Variants in ATP9B observed in about 807,000 individuals in gnomAD.
ATP9B encodes the protein ATPase phospholipid transporting 9B, also known as probable phospholipid-transporting ATPase IIB.
ATP9B carries 110 observed loss-of-function variants against 146.1 expected under a neutral mutation model. The observed-to-expected ratio is 0.75, with a 90% confidence interval of 0.65 to 0.88. ATP9B has a LOEUF of 0.88. Ranked by LOEUF, ATP9B falls within the 40% of genes least tolerant of loss-of-function variation. ATP9B has a pLI of 0.00. For missense variants in ATP9B, 1,499 were observed against 1,496.4 expected (o/e 1.00, Z -0.03); for synonymous variants, 604 against 569.7 (o/e 1.06, Z -0.86).
chr18:79,236,590 T>C (rs1292038223), intron 11 of ATP9B, among the ~76,000 whole-genome samples: 2 of 152,252 alleles, frequency 1.3e-5, no homozygotes, highest in Non-Finnish European at 2.9e-5. Flanking sequence ...CATCTAGAAT[T>C]GGTTTTTGTA....
chr18:79,261,314 G>A lies in ATP9B; in HGVS notation c.1268+7773G>A, dbSNP rs149388192. ...GAGTGGGACCTTACTTGAGAAAAGA[G>A]TCTTTGCAGTTATAATTAAGATAAT... is the stretch of plus-strand genomic sequence containing the variant. On this transcript the variant is annotated intron_variant, in intron 12 of 29. Coordinates refer to ENST00000426216, the MANE Select transcript of ATP9B (RefSeq NM_198531.5). Among the ~76,000 whole-genome samples the A allele has an allele frequency of 2.0e-5, 3 of 152,294 alleles. No homozygotes were observed. The East Asian group carries it at 5.8e-4, about 29-fold the overall frequency.
chr18:79,230,684 A>C (rs1206680636), intron 11 of ATP9B, among the ~76,000 whole-genome samples: 1 of 152,198 alleles, frequency 6.6e-6, no homozygotes, highest in African/African-American at 2.4e-5. Flanking sequence ...TTCTCCTCAG[A>C]ATACACCATT....
chr18:79,212,985 T>C (rs1038096085), intron 10 of ATP9B, among the ~76,000 whole-genome samples: 4 of 152,194 alleles, frequency 2.6e-5, no homozygotes, highest in Admixed American at 1.3e-4. Flanking sequence ...CCATGTGATA[T>C]GTATAATATG....
intron 1 of ATP9B, among the ~76,000 whole-genome samples, chr18:79,092,960 A>G (rs2074466820): frequency 2.0e-5 from 3 of 152,222 alleles, no homozygotes; most frequent in Admixed American, 1.3e-4. Context: ...GTCAGGTATT[A>G]GGTACTGTAC....
At chr18:79,248,393 T>G (rs2095989824) in intron 11 of ATP9B, among the ~76,000 whole-genome samples, 1 of 152,232 alleles carries the variant, frequency 6.6e-6, no homozygotes, top group Non-Finnish European at 1.5e-5. Flanking sequence ...TCTCTTAAGA[T>G]TCTACTAGCA....
At chr18:79,323,950 G>A (rs185087087) in intron 15 of ATP9B, among the ~76,000 whole-genome samples, 17 of 152,214 alleles carry the variant, frequency 1.1e-4, no homozygotes, top group East Asian at 5.8e-4. Flanking sequence ...CTCCTCCCTC[G>A]CCAGCATTTG....
chr18:79,362,960 T>G (rs1009718379), intron 26 of ATP9B: 4 of 152,240 alleles, frequency 2.6e-5, no homozygotes, highest in Admixed American at 1.3e-4. Flanking sequence ...TTGAAATGTA[T>G]ATTTGTATAC....
At chr18:79,211,108 C>A (rs923936248) in intron 10 of ATP9B, among the ~76,000 whole-genome samples, 2 of 152,086 alleles carry the variant, frequency 1.3e-5, no homozygotes, top group African/African-American at 4.8e-5. Context: ...TGCAATAGGC[C>A]TATCATTTGA....
chr18:79,118,394 T>G (rs892211011), intron 4 of ATP9B, among the ~76,000 whole-genome samples: 2 of 121,270 alleles, frequency 1.6e-5, no homozygotes, highest in Non-Finnish European at 3.4e-5. Context: ...GTTTTTGTTT[T>G]TTTTTTTTTT....
intron 8 of ATP9B, 53 bp downstream of exon 8, chr18:79,176,960 G>C: frequency 2.7e-6 from 4 of 1,469,570 alleles, no homozygotes; most frequent in Non-Finnish European, 3.8e-6. Flanking sequence ...TAGTTTCTAG[G>C]CTTCACGTAT....
rs192351731 is a variant in ATP9B at position 79,121,455 on chromosome 18, G to T, written c.559-4812G>T. Among the ~76,000 whole-genome samples, 68 of 152,274 alleles carry T rather than the reference G, an allele frequency of 4.5e-4. 3 individuals are homozygous for T. The highest frequency in any genetic ancestry group is 4.4e-3 in the Admixed American group (68 of 15,298). On this transcript the variant is annotated intron_variant, in intron 4 of 29. Coordinates refer to ENST00000426216, the MANE Select transcript of ATP9B (RefSeq NM_198531.5). ...ACCGAGGTAATGGGAAGATCCAAGT[G>T]CTCCTACAGTAAGACTTGCTTACTC...
intron 11 of ATP9B, among the ~76,000 whole-genome samples, chr18:79,233,121 A>T (rs750165607): frequency 4.6e-5 from 7 of 151,964 alleles, no homozygotes; most frequent in African/African-American, 9.7e-5. Flanking sequence ...GTGAAACCCC[A>T]TCTCTACTAA....
At chr18:79,111,203 GATTT>G (rs557848251) in intron 3 of ATP9B, among the ~76,000 whole-genome samples, 10 of 152,070 alleles carry the variant, frequency 6.6e-5, no homozygotes, top group Admixed American at 2.0e-4. Context: ...TATTTTAATA[GATTT>G]ATTTATCTTT....
intron 9 of ATP9B, among the ~76,000 whole-genome samples, chr18:79,203,247 G>A (rs1332467988): frequency 1.3e-5 from 2 of 148,842 alleles, no homozygotes; most frequent in Non-Finnish European, 3.0e-5. Flanking sequence ...TACCTGATGA[G>A]CGATAGAGGC....
intron 25 of ATP9B, among the ~76,000 whole-genome samples, chr18:79,351,132 A>G (rs2147647650): frequency 6.6e-6 from 1 of 152,356 alleles, no homozygotes; most frequent in Middle Eastern, 3.4e-3. Context: ...GAGTTTGAAC[A>G]GTGTGTTTCT....
chr18:79,113,971 CTTTATT>C (rs772940346), intron 4 of ATP9B, among the ~76,000 whole-genome samples: 24 of 151,980 alleles, frequency 1.6e-4, no homozygotes, highest in Admixed American at 4.6e-4. Flanking sequence ...TTACTACTTC[CTTTATT>C]TTTATTTTTT....
intron 11 of ATP9B, among the ~76,000 whole-genome samples, chr18:79,251,902 G>A (rs538234163): frequency 6.6e-6 from 1 of 152,200 alleles, no homozygotes; most frequent in Non-Finnish European, 1.5e-5. Context: ...TGAGATGGCA[G>A]ATAGATAACT....
At chr18:79,307,827 G>T (rs1348372006) in intron 15 of ATP9B, among the ~76,000 whole-genome samples, 1 of 152,098 alleles carries the variant, frequency 6.6e-6, no homozygotes, top group African/African-American at 2.4e-5. Flanking sequence ...TAATGTCTTA[G>T]TATATTTTAT....
At position 79,347,488 on chromosome 18, in the gene ATP9B, G is replaced by T. The variant is rs372277375; in HGVS notation, c.2683-282G>T. Among the ~76,000 whole-genome samples the T allele has an allele frequency of 2.4e-3, 370 of 152,320 alleles. 1 individual carries two copies. Among genetic ancestry groups the T allele is most frequent in the South Asian group, 6.4e-3 (31 of 4,826 alleles). Reference sequence around the variant, plus strand: ...ACAAGGGAGTCCTTCAACAGGGCTGGCCCGGACTCTGCAGCTCTGCTGACT... The same window carrying T: ...ACAAGGGAGTCCTTCAACAGGGCTGTCCCGGACTCTGCAGCTCTGCTGACT... On this transcript the variant is annotated intron_variant, in intron 23 of 29. Transcript: ENST00000426216.
Sources: allele counts gnomAD v4.1 joint callset (sites outside exome capture counted in the v4.1 genomes callset), GRCh38; gene constraint gnomAD v4.1.1; transcripts MANE v1.5; gene names NCBI Gene and HGNC (gene_info 2026-07-23, HGNC 2026-07-21).